The following FSTL4 variants were observed in gnomAD, a reference collection of about 807,000 sequenced individuals.
FSTL4 encodes follistatin-related protein 4.
In FSTL4, 28 loss-of-function variants were observed where a neutral mutation model predicts 78.2. The observed-to-expected ratio is 0.36, with a 90% CI of 0.27 to 0.49. The LOEUF (loss-of-function observed/expected upper bound fraction) is 0.49, where lower values mean the gene tolerates loss of function less well. FSTL4 is among the 20% of genes least tolerant of loss of function. FSTL4 has a pLI of 0.98. For synonymous variants in FSTL4, 422 were observed against 440.5 expected, an observed-to-expected ratio of 0.96 and a Z score of 0.53; for missense variants, 922 against 1,084.9, an observed-to-expected ratio of 0.85 and a Z score of 2.11.
the FSTL4 span, among the ~76,000 whole-genome samples, chr5:133,808,847 C>A: frequency 7.2e-6 from 1 of 139,070 alleles, no homozygotes; most frequent in African/African-American, 2.6e-5. Context: ...TTCACTCACT[C>A]CCCGCCCCCC....
At chr5:133,380,228 G>A (rs1755534539) in intron 4 of FSTL4, among the ~76,000 whole-genome samples, 1 of 150,778 alleles carries the variant, frequency 6.6e-6, no homozygotes, top group Admixed American at 6.6e-5. Flanking sequence ...AAGCAATAGA[G>A]TAACTCAACA....
intron 13 of FSTL4, among the ~76,000 whole-genome samples, chr5:133,212,978 A>G (rs901915458): frequency 3.3e-5 from 5 of 151,044 alleles, no homozygotes; most frequent in African/African-American, 1.2e-4. Flanking sequence ...TCGCTAACAT[A>G]GAATTCTATA....
chr5:133,401,472 C>G (rs1429693701), intron 3 of FSTL4, among the ~76,000 whole-genome samples: 3 of 152,206 alleles, frequency 2.0e-5, no homozygotes, highest in African/African-American at 7.2e-5. Flanking sequence ...GTGGTCCCCT[C>G]CACCCCCTGC....
At chr5:133,558,095 C>G (rs1759827120) in intron 3 of FSTL4, among the ~76,000 whole-genome samples, 1 of 152,184 alleles carries the variant, frequency 6.6e-6, no homozygotes. Flanking sequence ...AGACATCTGT[C>G]TGCAGGACGC....
intron 6 of FSTL4, among the ~76,000 whole-genome samples, chr5:133,281,304 TG>T (rs1424802698): frequency 6.6e-6 from 1 of 152,194 alleles, no homozygotes; most frequent in Non-Finnish European, 1.5e-5. Flanking sequence ...GACTGTTGCC[TG>T]AAACCCTTTT....
intron 4 of FSTL4, among the ~76,000 whole-genome samples, chr5:133,341,900 C>T (rs567025157): frequency 3.3e-5 from 5 of 152,310 alleles, no homozygotes; most frequent in Admixed American, 3.3e-4. Flanking sequence ...ACCCCCACCT[C>T]TCCAGCCTAT....
the FSTL4 span, among the ~76,000 whole-genome samples, chr5:133,715,791 G>A: frequency 6.6e-6 from 1 of 152,192 alleles, no homozygotes; most frequent in African/African-American, 2.4e-5. Context: ...CCCAAACACT[G>A]CGAAGAATAG....
At chr5:133,466,260 C>T (rs552423766) in intron 3 of FSTL4, among the ~76,000 whole-genome samples, 9 of 152,306 alleles carry the variant, frequency 5.9e-5, no homozygotes, top group African/African-American at 1.2e-4. Context: ...GAACACTTAC[C>T]GGCCAGGTGC....
chr5:133,823,325 A>G, the FSTL4 span, among the ~76,000 whole-genome samples: 2 of 152,142 alleles, frequency 1.3e-5, no homozygotes, highest in Non-Finnish European at 2.9e-5. Flanking sequence ...CTGAGCAACA[A>G]TTACATTCCA....
At chr5:133,355,517 G>A (rs540636589) in intron 4 of FSTL4, among the ~76,000 whole-genome samples, 3 of 152,150 alleles carry the variant, frequency 2.0e-5, no homozygotes, top group Non-Finnish European at 2.9e-5. Flanking sequence ...TTAGCTGGGT[G>A]TGGTGGCGCA....
At chr5:133,399,016 A>G (rs1345662226) in intron 4 of FSTL4, among the ~76,000 whole-genome samples, 1 of 152,134 alleles carries the variant, frequency 6.6e-6, no homozygotes, top group African/African-American at 2.4e-5. Flanking sequence ...GCTTGTCCCC[A>G]TCACTCCTCA....
rs1475112040 is a variant in FSTL4 at position 133,440,936 on chromosome 5, G to A, written c.161-39950C>T. ...CTGGGTCAGGGCCAGCCCTGCTCCT[G>A]AGGATAGTCAGAAAAAGGAAGAAAA... is the stretch of plus-strand genomic sequence containing the variant. On this transcript the variant is annotated intron_variant, in intron 3 of 15. Transcript: ENST00000265342. The surrounding 1 kb of genome is among the most constrained non-coding windows in gnomAD (Gnocchi z 4.1). Among the ~76,000 whole-genome samples, 2 of 152,174 alleles carry A rather than the reference G, an allele frequency of 1.3e-5. No homozygotes were observed. The highest frequency in any genetic ancestry group is 2.9e-5 in the Non-Finnish European group (2 of 68,034).
At chr5:133,270,097 A>G (rs542116792) in intron 6 of FSTL4, 2 of 152,356 alleles carry the variant, frequency 1.3e-5, no homozygotes, top group Admixed American at 1.3e-4. Flanking sequence ...CTGGGGCTGC[A>G]TAAGAAGAGC....
At chr5:133,621,009 C>T in the FSTL4 span, among the ~76,000 whole-genome samples, 3 of 152,146 alleles carry the variant, frequency 2.0e-5, no homozygotes, top group South Asian at 2.1e-4. Flanking sequence ...ATTGCAAAAT[C>T]GTGGAACCAA....
chr5:133,312,611 C>T (rs1328260402), intron 6 of FSTL4, 43 bp downstream of exon 6: 1 of 1,603,496 alleles, frequency 6.2e-7, no homozygotes, highest in South Asian at 1.1e-5. Flanking sequence ...GGTGCAGAAG[C>T]ACCTGCAGAA....
chr5:133,320,177 T>C (rs1015120449), intron 4 of FSTL4, among the ~76,000 whole-genome samples: 3 of 152,190 alleles, frequency 2.0e-5, no homozygotes, highest in Non-Finnish European at 2.9e-5. Context: ...CAGAGGCAGA[T>C]GCCCCAAAGC....
At chr5:133,486,038 T>G (rs975136853) in intron 3 of FSTL4, among the ~76,000 whole-genome samples, 6 of 152,154 alleles carry the variant, frequency 3.9e-5, no homozygotes, top group Admixed American at 3.3e-4. Context: ...GGAATGGCAC[T>G]CACGGTGAGA....
chr5:133,644,252 C>A, the FSTL4 span, among the ~76,000 whole-genome samples: 1 of 152,176 alleles, frequency 6.6e-6, no homozygotes. Flanking sequence ...AAGACCATTC[C>A]ATTGCTCATC....
At chr5:133,718,896 T>C in the FSTL4 span, among the ~76,000 whole-genome samples, 1 of 152,246 alleles carries the variant, frequency 6.6e-6, no homozygotes, top group Non-Finnish European at 1.5e-5. Flanking sequence ...TAGTTCTTTT[T>C]AATTGCTAAA....
Sources: gnomAD v4.1 joint callset for allele counts (sites outside exome capture counted in the v4.1 genomes callset) on GRCh38, gnomAD v4.1.1 for gene constraint, Gnocchi (gnomAD v3.1) non-coding constraint, MANE v1.5 for transcripts, NCBI Gene and HGNC (gene_info 2026-07-23, HGNC 2026-07-21) for gene names.